The following EDARADD variants were observed in gnomAD, a reference collection of about 807,000 sequenced individuals.
EDARADD encodes the protein EDAR associated via death domain, also known as ectodysplasin-A receptor-associated adapter protein.
Under a neutral mutation model 25.6 loss-of-function variants are expected in EDARADD, and 20 were observed. That is an observed-to-expected ratio of 0.78 (90% CI 0.55 to 1.14). The LOEUF is 1.14. Ranked by LOEUF, EDARADD falls within the 50% of genes most tolerant of loss-of-function variation. EDARADD has a pLI of 0.00. For missense variants in EDARADD, 225 were observed against 270.1 expected, an observed-to-expected ratio of 0.83 and a Z score of 1.17; for synonymous variants, 86 against 94.4, an observed-to-expected ratio of 0.91 and a Z score of 0.52.
intron 3 of EDARADD, among the ~76,000 whole-genome samples, chr1:236,367,167 G>A (rs1667120588): frequency 6.6e-6 from 1 of 151,026 alleles, no homozygotes; most frequent in South Asian, 2.1e-4. Flanking sequence ...TTTCAGGCTA[G>A]GCAATACCTC....
chr1:236,354,002 A>G lies in EDARADD; in HGVS notation c.-6+3163A>G, dbSNP rs1458725542. Among the ~76,000 whole-genome samples, 4 of 152,214 alleles carry G rather than the reference A, an allele frequency of 2.6e-5. No individual in the cohort carries two copies. The East Asian group carries it at 7.7e-4, about 29-fold the overall frequency. The stretch of plus-strand genomic sequence containing the variant: ...AGCTCGTTAGTTCTCTTGTAGCTGG[A>G]GACATTTTTTCTCTTCTGCTCTTCG... On this transcript the variant is annotated intron_variant, in intron 3 of 7. Transcript: ENST00000439430.
intron 5 of EDARADD, among the ~76,000 whole-genome samples, chr1:236,478,121 A>G (rs770078391): frequency 1.3e-5 from 2 of 150,720 alleles, no homozygotes; most frequent in Non-Finnish European, 1.5e-5. Flanking sequence ...AGAAAAGGAA[A>G]GAAAAAAAAA....
intron 4 of EDARADD, among the ~76,000 whole-genome samples, chr1:236,463,638 C>T (rs1003575335): frequency 6.6e-5 from 10 of 152,170 alleles, no homozygotes; most frequent in Non-Finnish European, 1.0e-4. Flanking sequence ...TAAGTATATT[C>T]GCGGTGTTGT....
intron 3 of EDARADD, among the ~76,000 whole-genome samples, chr1:236,366,257 G>A (rs1182945922): frequency 6.6e-6 from 1 of 152,156 alleles, no homozygotes; most frequent in East Asian, 1.9e-4. Context: ...AAAACAGTTG[G>A]ATCTTCTCGT....
intron 4 of EDARADD, among the ~76,000 whole-genome samples, chr1:236,443,994 C>A (rs1433727937): frequency 2.0e-5 from 3 of 152,252 alleles, no homozygotes; most frequent in East Asian, 1.9e-4. Context: ...TAATCTTCAG[C>A]AACCACCACC....
chr1:236,426,294 T>C (rs943195006), intron 3 of EDARADD, among the ~76,000 whole-genome samples: 7 of 152,200 alleles, frequency 4.6e-5, no homozygotes, highest in African/African-American at 1.4e-4. Context: ...CCAGTTGTTT[T>C]GATCACCTTC....
chr1:236,419,292 G>T lies in EDARADD; in HGVS notation c.160+4993G>T, dbSNP rs75188992. ...ACCTGTAGTCCCAGCTACGTGGGAG[G>T]CTTAGGCTGGAGGATCGTTTGAGCC... On this transcript the variant is annotated intron_variant, in intron 3 of 5. Coordinates refer to ENST00000334232, the MANE Select transcript of EDARADD (RefSeq NM_145861.4). Among the ~76,000 whole-genome samples, 66 of 152,278 alleles carry T rather than the reference G, an allele frequency of 4.3e-4. 1 individual carries two copies. The East Asian group carries it at 0.013, about 29-fold the overall frequency.
chr1:236,472,988 C>T (rs1256948052), intron 5 of EDARADD, among the ~76,000 whole-genome samples: 4 of 152,152 alleles, frequency 2.6e-5, no homozygotes, highest in East Asian at 3.8e-4. Context: ...GAGCTCTTTT[C>T]GGGCTGCTAA....
chr1:236,406,012 AG>A (rs1373835459), intron 1 of EDARADD, among the ~76,000 whole-genome samples: 1 of 149,452 alleles, frequency 6.7e-6, no homozygotes, highest in Non-Finnish European at 1.5e-5. Flanking sequence ...TTGTTTGCAG[AG>A]GATGGTGTCA....
At chr1:236,353,698 A>AG (rs56969222) in intron 3 of EDARADD, among the ~76,000 whole-genome samples, 19,754 of 144,752 alleles carry the variant, frequency 0.14, 1,914 homozygotes, top group East Asian at 0.41. Context: ...AAAAAAAAAA[A>AG]GATATTGGAC....
rs886046194 is a variant in EDARADD at position 236,483,798 on chromosome 1, G to A, written c.*1149G>A. ...TGCCACCGGTGTGGGGGATGGAGGC[G>A]CGTTTGCTCCCAACATCCTGGAGAA... On this transcript the variant is annotated 3_prime_UTR_variant, in exon 6 of 6. Coordinates refer to ENST00000334232, the MANE Select transcript of EDARADD (RefSeq NM_145861.4). The A allele has an allele frequency of 4.5e-5, 65 of 1,447,414 alleles. No individual in the cohort carries two copies. Among genetic ancestry groups the A allele is most frequent in the Middle Eastern group, 1.8e-4 (1 of 5,704 alleles). The allele number at this position is 1,447,414 out of a possible 1,614,324, so 89.7% of individuals were successfully genotyped here. A position where few individuals can be genotyped will look rare whatever the true frequency, so the allele number is the denominator to read the frequency against.
At chr1:236,369,243 G>A (rs1667147210) in intron 3 of EDARADD, among the ~76,000 whole-genome samples, 1 of 152,190 alleles carries the variant, frequency 6.6e-6, no homozygotes, top group South Asian at 2.1e-4. Context: ...AAAGTAACTT[G>A]CTGGGACTTT....
rs745456566 is a variant in EDARADD at position 236,483,395 on chromosome 1, G to A, written c.*746G>A. The A allele has an allele frequency of 7.6e-7, 1 of 1,316,144 alleles. No individual in the cohort carries two copies. The highest frequency in any genetic ancestry group is 1.5e-5 in the African/African-American group (1 of 68,668). 81.5% of individuals were successfully genotyped at this position (1,316,144 alleles called of 1,614,324 possible). ...TCAATAAAACTATTGCACCTGTCCT[G>A]GTTAGCAAGAAACTGAACGTCACAG... On this transcript the variant is annotated 3_prime_UTR_variant, in exon 6 of 6. Transcript: ENST00000334232.
chr1:236,393,924 T>C (rs958729745), upstream of EDARADD, among the ~76,000 whole-genome samples: 3 of 151,970 alleles, frequency 2.0e-5, no homozygotes, highest in Admixed American at 2.0e-4. Flanking sequence ...TGGGGATCGT[T>C]GCAATTCATA....
upstream of EDARADD, among the ~76,000 whole-genome samples, chr1:236,391,528 A>G (rs1285243755): frequency 1.3e-5 from 2 of 152,164 alleles, no homozygotes; most frequent in Non-Finnish European, 2.9e-5. Flanking sequence ...TCCTAAATTT[A>G]TATTTTACCA....
rs1667496439 is a variant in EDARADD at position 236,395,421 on chromosome 1, C to T, written c.61+916C>T. 2.1e-6 allele frequency: 3 copies of T among 1,447,930 alleles called. No individual in the cohort carries two copies. Among genetic ancestry groups the T allele is most frequent in the East Asian group, 2.7e-5 (1 of 37,674 alleles). 89.7% of individuals were successfully genotyped at this position (1,447,930 alleles called of 1,614,324 possible). A position where few individuals can be genotyped will look rare whatever the true frequency, so the allele number is the denominator to read the frequency against. On this transcript the variant is annotated intron_variant, in intron 1 of 5. Transcript: ENST00000334232. The surrounding 1 kb of genome is among the most constrained non-coding windows in gnomAD (Gnocchi z 6.9). ...CGCAGCGAAGGGGCTTTGCTAATTG[C>T]CAAAGCAGGAAGTGAGCTCGTGGAA...
intron 4 of EDARADD, among the ~76,000 whole-genome samples, chr1:236,450,553 C>T (rs1332760095): frequency 2.1e-5 from 3 of 140,410 alleles, no homozygotes; most frequent in Non-Finnish European, 4.6e-5. Context: ...CCAACCCCCC[C>T]TTTTTTTTTC....
chr1:236,483,105 T>C lies in EDARADD; in HGVS notation c.*456T>C, dbSNP rs1571964060. On this transcript the variant is annotated 3_prime_UTR_variant, in exon 6 of 6. Coordinates refer to ENST00000334232, the MANE Select transcript of EDARADD (RefSeq NM_145861.4). ...CAGCTACAAGGAATGCTTACCTGAGTGTCTGCAGCACCCTCCACTTCTCTC... is the reference window on the plus strand; with the variant it reads ...CAGCTACAAGGAATGCTTACCTGAGCGTCTGCAGCACCCTCCACTTCTCTC... The C allele has an allele frequency of 6.3e-6, 7 of 1,110,514 alleles. No homozygotes were observed. In the East Asian group the frequency reaches 1.4e-4, roughly 23 times the overall value. 68.8% of individuals were successfully genotyped at this position (1,110,514 alleles called of 1,614,324 possible).
intron 3 of EDARADD, among the ~76,000 whole-genome samples, chr1:236,377,500 G>T (rs994932097): frequency 8.6e-5 from 13 of 150,678 alleles, no homozygotes; most frequent in African/African-American, 3.2e-4. Flanking sequence ...TTCCCATTCT[G>T]ATAATTCCAA....
Sources: allele counts gnomAD v4.1 joint callset (sites outside exome capture counted in the v4.1 genomes callset), GRCh38; gene constraint gnomAD v4.1.1; non-coding constraint Gnocchi (gnomAD v3.1); transcripts MANE v1.5; gene names NCBI Gene and HGNC (gene_info 2026-07-23, HGNC 2026-07-21).